Variants in TRPC3 observed in about 807,000 individuals in gnomAD.
TRPC3 encodes transient receptor potential cation channel subfamily C member 3.
Under a neutral mutation model 90.9 loss-of-function variants are expected in TRPC3, and 54 were observed. The ratio of observed to expected loss-of-function variants is 0.59; its 90% CI spans 0.48 to 0.75. TRPC3 has a LOEUF of 0.75. Ranked by LOEUF, TRPC3 falls within the 30% of genes least tolerant of loss-of-function variation. The probability of loss-of-function intolerance (pLI) is 0.00; values close to 1 mark genes in which losing one functional copy is unlikely to be tolerated. For missense variants in TRPC3, 918 were observed against 1,194.5 expected (o/e 0.77, Z 3.41); for synonymous variants, 424 against 450.9 (o/e 0.94, Z 0.75).
Position 121,932,751 on chromosome 4 carries a change from C to T in TRPC3, c.507G>A (p.Lys169=), listed in dbSNP as rs200041218. 1.6e-4 allele frequency: 265 copies of T among 1,613,860 alleles called. 2 individuals carry two copies. Among genetic ancestry groups the T allele is most frequent in the South Asian group, 1.2e-3 (107 of 91,050 alleles). Residue 169 remains lysine, a synonymous_variant, in exon 2 of 12, where the codon AAG becomes AAA. Coordinates refer to ENST00000379645, the MANE Select transcript of TRPC3 (RefSeq NM_001130698.2). The surrounding 1 kb of genome is among the most constrained non-coding windows in gnomAD (Gnocchi z 7.7). ...CGTCGCCAATGCGCGCCAGGTTCTC[C>T]TTCTTGAGCAGCAGCTCGGTCACCT... ...HLEVTELLLK[K]ENLARIGDAL...
At chr4:121,886,297 T>A (rs1728113333) in intron 10 of TRPC3, among the ~76,000 whole-genome samples, 1 of 152,192 alleles carries the variant, frequency 6.6e-6, no homozygotes, top group Non-Finnish European at 1.5e-5. Context: ...TTGACTCTTA[T>A]TAGTAGATTT....
At chr4:121,898,744 C>T (rs569684823) in intron 10 of TRPC3, among the ~76,000 whole-genome samples, 2 of 152,102 alleles carry the variant, frequency 1.3e-5, no homozygotes, top group South Asian at 2.1e-4. Context: ...TGATCTGATT[C>T]CTACATATGT....
intron 3 of TRPC3, among the ~76,000 whole-genome samples, chr4:121,923,758 C>G (rs1729608211): frequency 6.6e-6 from 1 of 152,200 alleles, no homozygotes; most frequent in African/African-American, 2.4e-5. Context: ...TGAATCCTTA[C>G]AGGTTGGCTC....
chr4:121,935,349 G>A (rs1730093302), intron 1 of TRPC3, among the ~76,000 whole-genome samples: 1 of 151,750 alleles, frequency 6.6e-6, no homozygotes, highest in Non-Finnish European at 1.5e-5. Flanking sequence ...AGAGTGTGGA[G>A]TAGAGTGTAT....
rs189451189 is a variant in TRPC3, at chr4:121,947,578, T to G, written c.215+3888A>C. Among the ~76,000 whole-genome samples the G allele has an allele frequency of 3.9e-5, 6 of 152,312 alleles. No homozygotes were observed. The East Asian group carries it at 1.2e-3, about 29-fold the overall frequency. On this transcript the variant is annotated intron_variant, in intron 1 of 11. Transcript: ENST00000379645. The stretch of plus-strand genomic sequence containing the variant: ...AGGTGAGTATCAGAAGATCTATTAT[T>G]GATTTGCCAGGGAAGCGTTAGAACA...
intron 3 of TRPC3, among the ~76,000 whole-genome samples, chr4:121,922,916 A>C (rs1332495873): frequency 6.6e-6 from 1 of 152,188 alleles, no homozygotes; most frequent in Non-Finnish European, 1.5e-5. Flanking sequence ...TTTTATTTCA[A>C]TCTTTACTGA....
chr4:121,918,855 A>AT (rs1291407127), intron 3 of TRPC3, among the ~76,000 whole-genome samples: 1 of 152,236 alleles, frequency 6.6e-6, no homozygotes, highest in Non-Finnish European at 1.5e-5. Context: ...AAAAAAGCTA[A>AT]TCCCTTTAGG....
chr4:121,910,393 A>G lies in TRPC3; in HGVS notation c.1559-6T>C, dbSNP rs899837495. On this transcript the variant is annotated splice_region_variant and splice_polypyrimidine_tract_variant and intron_variant, in intron 5 of 11. Transcript: ENST00000379645. ...ACATTCAGACCACATCATTCCTGTCACAACAAATACAGAGGGTGCAGGTCA... is the reference window on the plus strand; with the variant it reads ...ACATTCAGACCACATCATTCCTGTCGCAACAAATACAGAGGGTGCAGGTCA... 2 of 1,610,790 alleles carry G rather than the reference A, an allele frequency of 1.2e-6. No individual in the cohort carries two copies. Among genetic ancestry groups the G allele is most frequent in the South Asian group, 1.1e-5 (1 of 91,010 alleles).
chr4:121,945,386 A>G (rs544637275), intron 1 of TRPC3, among the ~76,000 whole-genome samples: 11 of 152,350 alleles, frequency 7.2e-5, no homozygotes, highest in Admixed American at 2.0e-4. Context: ...ATTGCAACAC[A>G]AATTTCATCT....
chr4:121,940,305 G>A (rs1327890890), intron 1 of TRPC3, among the ~76,000 whole-genome samples: 1 of 152,240 alleles, frequency 6.6e-6, no homozygotes, highest in Admixed American at 6.5e-5. Flanking sequence ...CTTGTTGAGT[G>A]TCTGTGTAGT....
At chr4:121,943,342 T>A (rs1402559343) in intron 1 of TRPC3, among the ~76,000 whole-genome samples, 1 of 152,218 alleles carries the variant, frequency 6.6e-6, no homozygotes, top group East Asian at 1.9e-4. Flanking sequence ...AATCATTCTT[T>A]CAAAGCAAAT....
intron 1 of TRPC3, among the ~76,000 whole-genome samples, chr4:121,943,481 TA>T (rs1398448190): frequency 6.6e-6 from 1 of 152,140 alleles, no homozygotes; most frequent in African/African-American, 2.4e-5. Context: ...AGATAAATCT[TA>T]AAATTAATAA....
chr4:121,919,222 A>G (rs1393272192), intron 3 of TRPC3, among the ~76,000 whole-genome samples: 3 of 152,210 alleles, frequency 2.0e-5, no homozygotes, highest in Admixed American at 2.0e-4. Context: ...ATCAAATTTT[A>G]AACTTAAAAA....
intron 6 of TRPC3, among the ~76,000 whole-genome samples, chr4:121,909,678 C>G (rs2149124130): frequency 6.6e-6 from 1 of 152,250 alleles, no homozygotes; most frequent in South Asian, 2.1e-4. Context: ...AGCTTACATT[C>G]TCACGGTCAC....
chr4:121,930,999 T>A (rs572815914), intron 2 of TRPC3, among the ~76,000 whole-genome samples: 6 of 152,298 alleles, frequency 3.9e-5, no homozygotes, highest in African/African-American at 1.4e-4. Flanking sequence ...AGCTTTTACA[T>A]CAGAAAAATA....
At chr4:121,906,311 A>G (rs1159462776) in intron 7 of TRPC3, among the ~76,000 whole-genome samples, 1 of 152,126 alleles carries the variant, frequency 6.6e-6, no homozygotes, top group African/African-American at 2.4e-5. Flanking sequence ...TCACATCCCT[A>G]GACAAAACAG....
chr4:121,945,926 A>G (rs1730472081), intron 1 of TRPC3, among the ~76,000 whole-genome samples: 1 of 152,260 alleles, frequency 6.6e-6, no homozygotes, highest in African/African-American at 2.4e-5. Context: ...TATAAAAAAG[A>G]ATACTCATAA....
Position 121,878,793 on chromosome 4 carries a change from C to A in TRPC3, c.*943G>T, listed in dbSNP as rs1727841519. Reference sequence around the variant, plus strand: ...CTTGGCCATGTCTTTCCAAGTACGCCCATAGTCACTGCTCTTTCCTATTTC... The same window carrying A: ...CTTGGCCATGTCTTTCCAAGTACGCACATAGTCACTGCTCTTTCCTATTTC... On this transcript the variant is annotated 3_prime_UTR_variant, in exon 12 of 12. Transcript: ENST00000379645. Among the ~76,000 whole-genome samples the A allele has an allele frequency of 6.6e-6, 1 of 152,108 alleles. No individual in the cohort carries two copies. The highest frequency in any genetic ancestry group is 1.5e-5 in the Non-Finnish European group (1 of 68,028).
At chr4:121,884,389 A>G (rs1193328428) in intron 10 of TRPC3, among the ~76,000 whole-genome samples, 5 of 152,194 alleles carry the variant, frequency 3.3e-5, no homozygotes, top group Non-Finnish European at 5.9e-5. Context: ...CAATGGACGG[A>G]TAATGTTATC....
Sources: gnomAD v4.1 joint callset for allele counts (sites outside exome capture counted in the v4.1 genomes callset) on GRCh38, gnomAD v4.1.1 for gene constraint, Gnocchi (gnomAD v3.1) non-coding constraint, MANE v1.5 for transcripts, NCBI Gene and HGNC (gene_info 2026-07-23, HGNC 2026-07-21) for gene names.